The following GABRB2 variants were observed in gnomAD, a reference collection of about 807,000 sequenced individuals.
The protein encoded by GABRB2 is gamma-aminobutyric acid receptor subunit beta-2.
In GABRB2, 16 loss-of-function variants were observed where a neutral mutation model predicts 54.7. That is an observed-to-expected ratio of 0.29 (90% CI 0.20 to 0.44). The LOEUF (loss-of-function observed/expected upper bound fraction) is 0.44, where lower values mean the gene tolerates loss of function less well. GABRB2 is among the 20% of genes least tolerant of loss of function. The pLI, the probability that GABRB2 is intolerant of heterozygous loss-of-function variation, is 1.00. For missense variants in GABRB2, 355 were observed against 644.0 expected, an observed-to-expected ratio of 0.55 and a Z score of 4.86; for synonymous variants, 244 against 233.8, an observed-to-expected ratio of 1.04 and a Z score of -0.40.
intron 3 of GABRB2, among the ~76,000 whole-genome samples, chr5:161,489,387 G>T (rs1360907363): frequency 6.6e-6 from 1 of 151,624 alleles, no homozygotes; most frequent in Non-Finnish European, 1.5e-5. Context: ...TACATAAATT[G>T]TATCACTTAA....
rs1483263273 is a variant in GABRB2 at position 161,292,979 on chromosome 5, G to T, written c.*1102C>A. The T allele has an allele frequency of 1.3e-5, 2 of 152,184 alleles. No homozygotes were observed. Among genetic ancestry groups the T allele is most frequent in the African/African-American group, 4.8e-5 (2 of 41,528 alleles). The allele number at this position is 152,184 out of a possible 1,614,324, so 9.4% of individuals were successfully genotyped here. ...CTCTTGAAATACTCTATTAAATTAA[G>T]AAATAAAATTATAGGGACAAAAATT... On this transcript the variant is annotated 3_prime_UTR_variant, in exon 10 of 10. Transcript: ENST00000393959.
At chr5:161,373,011 G>A (rs907540245) in intron 5 of GABRB2, among the ~76,000 whole-genome samples, 1 of 152,176 alleles carries the variant, frequency 6.6e-6, no homozygotes, top group Non-Finnish European at 1.5e-5. Context: ...TCAACACAGT[G>A]AAGTGCTATG....
Position 161,430,811 on chromosome 5 carries a change from A to C in GABRB2, c.459-19754T>G, listed in dbSNP as rs1200500040. On this transcript the variant is annotated intron_variant, in intron 4 of 9. Coordinates refer to ENST00000393959, the MANE Select transcript of GABRB2 (RefSeq NM_001371727.1). ...AAGCCAATTAAATTACTATTAAACTACTCTCCCATTCACCTAATGTAAGTA... is the reference window on the plus strand; with the variant it reads ...AAGCCAATTAAATTACTATTAAACTCCTCTCCCATTCACCTAATGTAAGTA... Among the ~76,000 whole-genome samples the C allele has an allele frequency of 2.0e-5, 3 of 152,018 alleles. No homozygotes were observed. The East Asian group carries it at 5.8e-4, about 29-fold the overall frequency.
At chr5:161,489,654 C>G (rs1346897885) in intron 3 of GABRB2, among the ~76,000 whole-genome samples, 2 of 151,610 alleles carry the variant, frequency 1.3e-5, no homozygotes, top group East Asian at 3.9e-4. Context: ...AATATTTCAG[C>G]TGCCATGTAG....
At chr5:161,480,553 T>G (rs1322242206) in intron 3 of GABRB2, among the ~76,000 whole-genome samples, 2 of 152,050 alleles carry the variant, frequency 1.3e-5, no homozygotes, top group South Asian at 4.1e-4. Context: ...ACAGCACTTC[T>G]GTGTCTGATA....
intron 3 of GABRB2, among the ~76,000 whole-genome samples, chr5:161,463,612 G>A (rs1469293034): frequency 6.8e-5 from 5 of 73,796 alleles, no homozygotes; most frequent in Non-Finnish European, 1.4e-4. Context: ...AAAGAGAATA[G>A]CCAAAACAGT....
intron 3 of GABRB2, among the ~76,000 whole-genome samples, chr5:161,513,049 G>C (rs7445094): frequency 7.0e-6 from 1 of 142,988 alleles, no homozygotes; most frequent in Non-Finnish European, 1.5e-5. Context: ...AAGATAAAAA[G>C]AAAAAAGAAA....
At chr5:161,387,733 C>G (rs1487852864) in intron 5 of GABRB2, among the ~76,000 whole-genome samples, 1 of 152,122 alleles carries the variant, frequency 6.6e-6, no homozygotes, top group Admixed American at 6.6e-5. Flanking sequence ...AAACTTAATA[C>G]TTAAAGGCAG....
At chr5:161,516,007 T>C (rs535216674) in intron 3 of GABRB2, among the ~76,000 whole-genome samples, 1 of 152,160 alleles carries the variant, frequency 6.6e-6, no homozygotes, top group African/African-American at 2.4e-5. Context: ...AAGAGGCAGT[T>C]GCTATAGAAA....
intron 9 of GABRB2, among the ~76,000 whole-genome samples, chr5:161,317,826 A>C (rs1403479592): frequency 6.6e-6 from 1 of 152,140 alleles, no homozygotes; most frequent in Non-Finnish European, 1.5e-5. Flanking sequence ...TAGGCAATTC[A>C]CAGGGAAGCC....
intron 5 of GABRB2, among the ~76,000 whole-genome samples, chr5:161,392,668 A>G (rs1330871827): frequency 6.6e-6 from 1 of 152,192 alleles, no homozygotes; most frequent in Non-Finnish European, 1.5e-5. Flanking sequence ...GATTAAATTA[A>G]CTACTTCATA....
chr5:161,446,121 T>G (rs557388410), intron 4 of GABRB2, among the ~76,000 whole-genome samples: 41 of 152,302 alleles, frequency 2.7e-4, no homozygotes, highest in Non-Finnish European at 2.8e-4. Flanking sequence ...ACCTTATCAT[T>G]AACATTAAAT....
chr5:161,362,654 A>C (rs1754849325), intron 5 of GABRB2, among the ~76,000 whole-genome samples: 1 of 152,196 alleles, frequency 6.6e-6, no homozygotes, highest in Non-Finnish European at 1.5e-5. Context: ...AATATCCAGA[A>C]TCTACAAGGA....
At chr5:161,334,593 T>C (rs1053353514) in intron 7 of GABRB2, among the ~76,000 whole-genome samples, 159 bp downstream of exon 7, 8 of 152,224 alleles carry the variant, frequency 5.3e-5, no homozygotes, top group African/African-American at 1.4e-4. Flanking sequence ...GATTTAATGC[T>C]GAATCAGATC....
chr5:161,451,109 T>G (rs1396232479), intron 4 of GABRB2, among the ~76,000 whole-genome samples: 1 of 152,208 alleles, frequency 6.6e-6, no homozygotes, highest in East Asian at 1.9e-4. Context: ...GGTAAAACTT[T>G]CAGAGTAGAG....
rs760401949 is a variant in GABRB2, at chr5:161,294,442, G to T, written c.1192-14C>A. 5 of 1,599,748 alleles carry T rather than the reference G, an allele frequency of 3.1e-6. No individual in the cohort carries two copies. Among genetic ancestry groups the T allele is most frequent in the Middle Eastern group, 1.7e-4 (1 of 6,008 alleles). On this transcript the variant is annotated splice_polypyrimidine_tract_variant and intron_variant, in intron 9 of 9. Transcript: ENST00000393959. ...ATGGGGGTCCATCTGCAAGGGAAGA[G>T]AATCAAAAAGACAATCAGAACAATG...
At chr5:161,324,844 T>G (rs1303527535) in intron 9 of GABRB2, among the ~76,000 whole-genome samples, 1 of 152,108 alleles carries the variant, frequency 6.6e-6, no homozygotes, top group African/African-American at 2.4e-5. Context: ...AATTCATATT[T>G]TCATTGAACA....
Position 161,386,640 on chromosome 5 carries a change from T to C in GABRB2, c.541+24335A>G, listed in dbSNP as rs142746065. Among the ~76,000 whole-genome samples the C allele has an allele frequency of 7.4e-3, 1,121 of 152,192 alleles. 15 individuals are homozygous for C. Among genetic ancestry groups the C allele is most frequent in the African/African-American group, 0.024 (1,013 of 41,532 alleles). On this transcript the variant is annotated intron_variant, in intron 5 of 9. Coordinates refer to ENST00000393959, the MANE Select transcript of GABRB2 (RefSeq NM_001371727.1). ...TGCCTCCCAGGCTCAAGTGATTAAC[T>C]GATTCTACCCATCCTCGCCCCAGTG...
chr5:161,416,266 T>A (rs1284523114), intron 4 of GABRB2, among the ~76,000 whole-genome samples: 1 of 152,138 alleles, frequency 6.6e-6, no homozygotes, highest in Non-Finnish European at 1.5e-5. Context: ...ATATGACATC[T>A]GGATCCAAGT....
Sources: gnomAD v4.1 joint callset for allele counts (sites outside exome capture counted in the v4.1 genomes callset) on GRCh38, gnomAD v4.1.1 for gene constraint, MANE v1.5 for transcripts, NCBI Gene and HGNC (gene_info 2026-07-23, HGNC 2026-07-21) for gene names.